Variants in KIF16B observed in about 807,000 individuals in gnomAD.
The protein encoded by KIF16B is kinesin-like protein KIF16B.
In KIF16B, 98 loss-of-function variants were observed where a neutral mutation model predicts 156.3. The ratio of observed to expected loss-of-function variants is 0.63; its 90% CI spans 0.53 to 0.74. The LOEUF (loss-of-function observed/expected upper bound fraction) is 0.74, where lower values mean the gene tolerates loss of function less well. Ranked by LOEUF, KIF16B falls within the 30% of genes least tolerant of loss-of-function variation. The pLI is 0.00. For missense variants in KIF16B, 1,421 were observed against 1,606.5 expected (o/e 0.88, Z 1.97); for synonymous variants, 564 against 583.7 (o/e 0.97, Z 0.49).
intron 12 of KIF16B, among the ~76,000 whole-genome samples, chr20:16,441,957 AT>A (rs1403505718): frequency 6.6e-6 from 1 of 152,162 alleles, no homozygotes; most frequent in Non-Finnish European, 1.5e-5. Flanking sequence ...ATCTATCTAT[AT>A]TACATTAAAA....
At chr20:16,401,223 C>G (rs1202428898) in intron 17 of KIF16B, among the ~76,000 whole-genome samples, 1 of 152,172 alleles carries the variant, frequency 6.6e-6, no homozygotes, top group African/African-American at 2.4e-5. Flanking sequence ...CATCCAGAAC[C>G]ACTGTAATTC....
At chr20:16,502,626 A>G (rs1428990436) in intron 10 of KIF16B, among the ~76,000 whole-genome samples, 2 of 152,196 alleles carry the variant, frequency 1.3e-5, no homozygotes, top group Non-Finnish European at 2.9e-5. Flanking sequence ...ACTACAAAAT[A>G]TAAGGCAACT....
intron 1 of KIF16B, among the ~76,000 whole-genome samples, chr20:16,537,337 C>A (rs751829434): frequency 3.9e-4 from 59 of 152,216 alleles, no homozygotes; most frequent in Non-Finnish European, 6.3e-4. Flanking sequence ...GACTTCACAT[C>A]CTCTGTAGGG....
At chr20:16,319,633 G>A (rs2063745930) in intron 24 of KIF16B, among the ~76,000 whole-genome samples, 2 of 152,148 alleles carry the variant, frequency 1.3e-5, no homozygotes, top group African/African-American at 4.8e-5. Context: ...ACTATGAACA[G>A]TAATTCCAGA....
chr20:16,317,481 G>A (rs1452340834), intron 24 of KIF16B, among the ~76,000 whole-genome samples: 1 of 152,166 alleles, frequency 6.6e-6, no homozygotes, highest in Admixed American at 6.5e-5. Context: ...TTTCATTTTC[G>A]TAAAGAACAA....
intron 24 of KIF16B, among the ~76,000 whole-genome samples, chr20:16,328,285 GA>G (rs2063891039): frequency 6.6e-6 from 1 of 152,146 alleles, no homozygotes; most frequent in Admixed American, 6.6e-5. Flanking sequence ...TTTGTGGGGA[GA>G]AGGGAACTCC....
At chr20:16,569,878 C>A (rs919301415) in intron 1 of KIF16B, among the ~76,000 whole-genome samples, 1 of 151,980 alleles carries the variant, frequency 6.6e-6, no homozygotes, top group South Asian at 2.1e-4. Context: ...AAAAAAAAAG[C>A]CTTTCATCTT....
intron 25 of KIF16B, among the ~76,000 whole-genome samples, chr20:16,277,187 G>A (rs537438664): frequency 2.6e-5 from 4 of 152,154 alleles, no homozygotes; most frequent in East Asian, 1.9e-4. Flanking sequence ...CATGCTGTGC[G>A]CATAGCTGTG....
intron 1 of KIF16B, among the ~76,000 whole-genome samples, chr20:16,560,167 G>A (rs575768988): frequency 3.8e-4 from 58 of 152,238 alleles, no homozygotes; most frequent in Non-Finnish European, 7.5e-4. Context: ...TCTCACAAGG[G>A]CCCATCTACC....
At chr20:16,411,105 C>G (rs937520441) in intron 15 of KIF16B, among the ~76,000 whole-genome samples, 5 of 152,078 alleles carry the variant, frequency 3.3e-5, no homozygotes, top group African/African-American at 1.2e-4. Flanking sequence ...AAATGTAATG[C>G]TGTGTCTGTT....
intron 12 of KIF16B, among the ~76,000 whole-genome samples, chr20:16,475,238 C>T (rs138460510): frequency 1.2e-4 from 19 of 152,336 alleles, no homozygotes; most frequent in African/African-American, 4.6e-4. Context: ...GTGCCAGGCA[C>T]TGCTTTCAAA....
At chr20:16,421,147 T>C (rs1014178674) in intron 15 of KIF16B, among the ~76,000 whole-genome samples, 5 of 152,142 alleles carry the variant, frequency 3.3e-5, no homozygotes, top group Non-Finnish European at 7.4e-5. Context: ...AATTTGACTT[T>C]GTAGAAATTA....
intron 21 of KIF16B, 62 bp downstream of exon 21, chr20:16,371,603 A>AC: frequency 1.8e-6 from 2 of 1,100,996 alleles, no homozygotes; most frequent in Non-Finnish European, 2.7e-6. Context: ...AAAAAAAAAA[A>AC]AAAGGAAAAA....
chr20:16,348,049 G>A (rs2064266495), intron 23 of KIF16B, among the ~76,000 whole-genome samples: 1 of 152,174 alleles, frequency 6.6e-6, no homozygotes, highest in South Asian at 2.1e-4. Context: ...TTCCTGGCAG[G>A]CCAATCTACC....
At chr20:16,465,906 A>G (rs1433584640) in intron 12 of KIF16B, among the ~76,000 whole-genome samples, 1 of 152,200 alleles carries the variant, frequency 6.6e-6, no homozygotes, top group Non-Finnish European at 1.5e-5. Context: ...GTCTTGTTCC[A>G]TATCCCGTGT....
intron 12 of KIF16B, among the ~76,000 whole-genome samples, chr20:16,489,796 G>A (rs998747948): frequency 6.6e-6 from 1 of 152,020 alleles, no homozygotes; most frequent in African/African-American, 2.4e-5. Context: ...TCTGGAGCTG[G>A]GCTTGAGGGC....
chr20:16,539,129 C>T (rs188334244), intron 1 of KIF16B, among the ~76,000 whole-genome samples: 20 of 151,990 alleles, frequency 1.3e-4, no homozygotes, highest in Non-Finnish European at 2.1e-4. Context: ...TGGCCCAACA[C>T]GAAAAATTGG....
chr20:16,351,813 G>C (rs1176620483), intron 23 of KIF16B, among the ~76,000 whole-genome samples: 1 of 152,216 alleles, frequency 6.6e-6, no homozygotes, highest in Non-Finnish European at 1.5e-5. Context: ...AAAGTGGGGA[G>C]AGGGGCGACA....
intron 1 of KIF16B, among the ~76,000 whole-genome samples, chr20:16,539,745 T>C (rs1199531605): frequency 6.6e-6 from 1 of 152,226 alleles, no homozygotes; most frequent in Admixed American, 6.5e-5. Flanking sequence ...TTTATTGCAA[T>C]GGAAGAACAG....
Sources: gnomAD v4.1 joint callset for allele counts (sites outside exome capture counted in the v4.1 genomes callset) on GRCh38, gnomAD v4.1.1 for gene constraint, MANE v1.5 for transcripts, NCBI Gene and HGNC (gene_info 2026-07-23, HGNC 2026-07-21) for gene names.